Variants in TET3 observed in about 807,000 individuals in gnomAD.
TET3 encodes methylcytosine dioxygenase TET3.
TET3 carries 19 observed loss-of-function variants against 141.4 expected under a neutral mutation model. That is an observed-to-expected ratio of 0.13 (90% CI 0.09 to 0.20). The LOEUF (loss-of-function observed/expected upper bound fraction) is 0.20, where lower values mean the gene tolerates loss of function less well. Ranked by LOEUF, TET3 falls within the 10% of genes least tolerant of loss-of-function variation. TET3 has a pLI of 1.00. For missense variants in TET3, 1,874 were observed against 2,356.9 expected (o/e 0.80, Z 4.24); for synonymous variants, 1,043 against 980.9 (o/e 1.06, Z -1.18).
intron 7 of TET3, 58 bp downstream of exon 7, chr2:74,088,096 A>C: frequency 6.7e-7 from 1 of 1,503,662 alleles, no homozygotes; most frequent in Non-Finnish European, 8.9e-7. Flanking sequence ...GGCAGCAAAT[A>C]CAGGAGACTG....
At position 74,101,318 on chromosome 2, in the gene TET3, C is replaced by T. The variant is rs1558797513; in HGVS notation, c.4530C>T (p.Gly1510=). The T allele has an allele frequency of 1.2e-6, 2 of 1,613,590 alleles. No individual in the cohort carries two copies. The highest frequency in any genetic ancestry group is 1.7e-6 in the Non-Finnish European group (2 of 1,179,768). The change falls in exon 12 of 12, where the codon GGC becomes GGT. Residue 1510 remains glycine, a synonymous_variant. Coordinates refer to ENST00000409262, the MANE Select transcript of TET3 (RefSeq NM_001287491.2). The surrounding 1 kb of genome is among the most constrained non-coding windows in gnomAD (Gnocchi z 8.5). ...CCCACTCTGGAGGACGGCTGCGAGG[C>T]AAACCGTGGAGCCCCTGCAAGTTTG... ...AASHSGGRLR[G]KPWSPCKFGN... is the part of the protein sequence containing the mutation.
intron 4 of TET3, among the ~76,000 whole-genome samples, chr2:74,073,049 T>G (rs1205547640): frequency 1.3e-5 from 2 of 152,270 alleles, no homozygotes; most frequent in African/African-American, 4.8e-5. Context: ...AATGCTGCTC[T>G]GAACATTGGC....
chr2:74,110,657 A>G (rs1691680982), downstream of TET3, among the ~76,000 whole-genome samples: 1 of 152,146 alleles, frequency 6.6e-6, no homozygotes, highest in African/African-American at 2.4e-5. Flanking sequence ...CAGAGGTCTT[A>G]GCAGAGGCCT....
intron 3 of TET3, among the ~76,000 whole-genome samples, chr2:74,025,104 G>A (rs1028835288): frequency 1.3e-5 from 2 of 150,686 alleles, no homozygotes; most frequent in Non-Finnish European, 3.0e-5. Flanking sequence ...GGTGCCTGTG[G>A]TCCCAGCTGC....
At chr2:74,128,816 TACAACAACA>T in the TET3 span, among the ~76,000 whole-genome samples, 1 of 150,188 alleles carries the variant, frequency 6.7e-6, no homozygotes, top group Non-Finnish European at 1.5e-5. Flanking sequence ...ACCTCAACTC[TACAACAACA>T]ACAACAACAA....
chr2:74,126,796 C>G, the TET3 span, among the ~76,000 whole-genome samples: 1 of 152,170 alleles, frequency 6.6e-6, no homozygotes, highest in East Asian at 1.9e-4. Flanking sequence ...AGCCACCACA[C>G]CCAGCCTGGA....
Position 74,080,595 on chromosome 2 carries a change from A to C in TET3, c.2679+4A>C. ...CGGTTGCCCCATTGCAAAGTGGGTG[A>C]GTGTTGAGCCCACTCAAGAGCCACA... On this transcript the variant is annotated splice_donor_region_variant and intron_variant, in intron 6 of 11. Coordinates refer to ENST00000409262, the MANE Select transcript of TET3 (RefSeq NM_001287491.2). The C allele has an allele frequency of 6.3e-7, 1 of 1,598,462 alleles. No individual in the cohort carries two copies. The highest frequency in any genetic ancestry group is 1.3e-5 in the African/African-American group (1 of 74,276).
In TET3 at chr2:74,100,879, C is replaced by A; in HGVS notation, c.4091C>A (p.Pro1364His). The change falls in exon 12 of 12, where the codon CCC (proline) becomes CAC (histidine). Residue 1364 changes from proline (P) to histidine (H), a missense_variant. By Grantham distance (77) the Pro-to-His change is moderately conservative. Around this residue, in one of 10 missense-constraint regions of TET3, gnomAD observed 602 missense variants for 590.2 expected, o/e 1.02. Coordinates refer to ENST00000409262, the MANE Select transcript of TET3 (RefSeq NM_001287491.2). ...CACCAGCAGCCTGCGTACCCAGGCC[C>A]CAAGGAGTATCTGCTTCCCAAGGCC... The part of the protein sequence containing the change: ...PHHQQPAYPG[P>H]KEYLLPKAPL... 6.2e-7 allele frequency: 1 copy of A among 1,610,786 alleles called. No individual in the cohort carries two copies. Among genetic ancestry groups the A allele is most frequent in the Non-Finnish European group, 8.5e-7 (1 of 1,178,638 alleles).
At chr2:74,075,353 G>T (rs1414479989) in intron 5 of TET3, among the ~76,000 whole-genome samples, 1 of 122,906 alleles carries the variant, frequency 8.1e-6, no homozygotes, top group Admixed American at 9.4e-5. Flanking sequence ...TTTTTGAGAC[G>T]GAATCTGCTC....
chr2:74,101,354 C>T lies in TET3; in HGVS notation c.4566C>T (p.Thr1522=), dbSNP rs760893325. 2.5e-6 allele frequency: 4 copies of T among 1,613,924 alleles called. No individual in the cohort carries two copies. The South Asian group carries it at 3.3e-5, about 13-fold the overall frequency. Residue 1522 remains threonine, a synonymous_variant, in exon 12 of 12, where the codon ACC becomes ACT. Coordinates refer to ENST00000409262, the MANE Select transcript of TET3 (RefSeq NM_001287491.2). This position sits in a 1 kb window ranked among gnomAD's most constrained non-coding sequence, Gnocchi z 8.5. ...PWSPCKFGNS[T]SALAGPSLTE... ...GCCCCTGCAAGTTTGGGAACAGCAC[C>T]TCGGCCTTGGCTGGGCCCAGCCTGA...
chr2:74,090,646 T>C (rs542406221), intron 8 of TET3, among the ~76,000 whole-genome samples: 1 of 152,182 alleles, frequency 6.6e-6, no homozygotes, highest in South Asian at 2.1e-4. Flanking sequence ...ACCCCTGCCC[T>C]GCAGGGCCTC....
At chr2:74,013,681 G>C (rs561181321) in intron 3 of TET3, among the ~76,000 whole-genome samples, 1 of 151,958 alleles carries the variant, frequency 6.6e-6, no homozygotes, top group Non-Finnish European at 1.5e-5. Flanking sequence ...GCGTGGTGGC[G>C]GGTGCTTGTA....
intron 3 of TET3, among the ~76,000 whole-genome samples, chr2:74,032,339 G>T (rs1161846682): frequency 6.6e-6 from 1 of 150,868 alleles, no homozygotes; most frequent in Non-Finnish European, 1.5e-5. Context: ...TGGGTGGGAG[G>T]AGTTGTGAGA....
intron 3 of TET3, among the ~76,000 whole-genome samples, chr2:74,029,754 T>C (rs952881647): frequency 2.6e-5 from 4 of 152,246 alleles, no homozygotes; most frequent in Admixed American, 1.3e-4. Context: ...ATTCTATGCC[T>C]ATGACCTCTC....
the TET3 span, among the ~76,000 whole-genome samples, chr2:74,124,083 T>A: frequency 6.7e-6 from 1 of 149,070 alleles, no homozygotes; most frequent in African/African-American, 2.5e-5. Context: ...ATCTGCGAAG[T>A]GAGGAGCCCC....
chr2:74,074,080 C>A (rs1245127183), intron 5 of TET3, among the ~76,000 whole-genome samples: 2 of 151,934 alleles, frequency 1.3e-5, no homozygotes, highest in Non-Finnish European at 2.9e-5. Flanking sequence ...AATTTTTTAC[C>A]TCCCCTAAGA....
intron 6 of TET3, among the ~76,000 whole-genome samples, chr2:74,083,543 T>A (rs1689950758): frequency 6.6e-6 from 1 of 152,156 alleles, no homozygotes; most frequent in African/African-American, 2.4e-5. Context: ...CTGTTGAGGA[T>A]CCTGTGGCTG....
intron 3 of TET3, among the ~76,000 whole-genome samples, chr2:74,042,347 G>A (rs1011590094): frequency 2.0e-5 from 3 of 152,184 alleles, no homozygotes; most frequent in African/African-American, 7.2e-5. Flanking sequence ...TTTCAAGAAG[G>A]CAGTGTGGAG....
At chr2:73,987,857 C>G (rs1022348367) in intron 2 of TET3, among the ~76,000 whole-genome samples, 1 of 152,302 alleles carries the variant, frequency 6.6e-6, no homozygotes, top group South Asian at 2.1e-4. Context: ...GCTGGCAGCC[C>G]GTGCTCTGGG....
Sources: allele counts gnomAD v4.1 joint callset (sites outside exome capture counted in the v4.1 genomes callset), GRCh38; gene constraint gnomAD v4.1.1; regional missense constraint gnomAD v4.1.1; non-coding constraint Gnocchi (gnomAD v3.1); transcripts MANE v1.5; gene names NCBI Gene and HGNC (gene_info 2026-07-23, HGNC 2026-07-21).